The following ANKRD30B variants were observed in gnomAD, a reference collection of about 807,000 sequenced individuals.
ANKRD30B encodes the protein ankyrin repeat domain 30B.
A neutral mutation model predicts 202.2 loss-of-function variants in ANKRD30B; 144 were observed. The ratio of observed to expected loss-of-function variants is 0.71; its 90% confidence interval spans 0.62 to 0.82. ANKRD30B has a LOEUF of 0.82. ANKRD30B is among the 40% of genes least tolerant of loss of function. The pLI, the probability that ANKRD30B is intolerant of heterozygous loss-of-function variation, is 0.00. For missense variants in ANKRD30B, 1,487 were observed against 1,669.1 expected (o/e 0.89, Z 1.90); for synonymous variants, 508 against 561.3 (o/e 0.91, Z 1.34).
chr18:14,911,177 A>G, the ANKRD30B span, among the ~76,000 whole-genome samples: 3 of 152,024 alleles, frequency 2.0e-5, no homozygotes, highest in Non-Finnish European at 4.4e-5. Flanking sequence ...TTGAGGACTT[A>G]GTCATACATT....
Position 14,831,509 on chromosome 18 carries a change from A to C in ANKRD30B, c.2847+54A>C, listed in dbSNP as rs1298024240. On this transcript the variant is annotated intron_variant, in intron 34 of 43. Transcript: ENST00000690538. ...TCTCAGTTGGAATCTAATTCTGTAT[A>C]GTATTTACTTTTCATGTTTAGCAGT... 24 of 953,580 alleles carry C rather than the reference A, an allele frequency of 2.5e-5. 1 individual carries two copies. In the Middle Eastern group the frequency reaches 8.6e-4, roughly 34 times the overall value. The allele number at this position is 953,580 out of a possible 1,614,324, so 59.1% of individuals were successfully genotyped here. A position where few individuals can be genotyped will look rare whatever the true frequency, so the allele number is the denominator to read the frequency against.
rs370342625 is a variant in ANKRD30B, at chr18:14,765,395, G to A, written c.1225+1305G>A. On this transcript the variant is annotated intron_variant, in intron 7 of 43. Transcript: ENST00000690538. Reference sequence around the variant, plus strand: ...GGAGAATTGCTTGAACCCAGGAGGCGGAGGCTACAGTGAGCTGAGATCGCA... The same window carrying A: ...GGAGAATTGCTTGAACCCAGGAGGCAGAGGCTACAGTGAGCTGAGATCGCA... 1.5e-4 allele frequency among the ~76,000 whole-genome samples: 23 copies of A among 151,734 alleles called. No individual in the cohort carries two copies. The South Asian group carries it at 2.5e-3, about 17-fold the overall frequency.
the ANKRD30B span, among the ~76,000 whole-genome samples, chr18:14,914,255 T>C: frequency 6.6e-6 from 1 of 152,230 alleles, no homozygotes; most frequent in Non-Finnish European, 1.5e-5. Context: ...ATAAAGGTGC[T>C]TTGTTCCATG....
Position 14,769,381 on chromosome 18 carries a change from T to C in ANKRD30B, c.1256+8T>C, listed in dbSNP as rs1179436761. On this transcript the variant is annotated splice_region_variant and intron_variant, in intron 8 of 43. Transcript: ENST00000690538. ...TGTAGAGCCTATATTCAGGTAAGAC[T>C]TTGCGGTTTTTTAAAACGAATAGGT... The C allele has an allele frequency of 6.5e-7, 1 of 1,544,456 alleles. No homozygotes were observed. The highest frequency in any genetic ancestry group is 2.0e-5 in the Admixed American group (1 of 50,508).
the ANKRD30B span, among the ~76,000 whole-genome samples, chr18:14,941,056 T>A: frequency 1.3e-5 from 2 of 152,096 alleles, no homozygotes; most frequent in African/African-American, 4.8e-5. Context: ...ACACTGCAGG[T>A]CAATTTGTGC....
At chr18:14,906,098 C>A in the ANKRD30B span, among the ~76,000 whole-genome samples, 82,157 of 151,714 alleles carry the variant, frequency 0.54, 22,672 homozygotes, top group African/African-American at 0.64. Flanking sequence ...TACTTTTAGC[C>A]CAAAGTATAT....
intron 7 of ANKRD30B, among the ~76,000 whole-genome samples, chr18:14,766,493 A>AGAAAAGAAAAGAAAAGAAAAGAAAAG (rs1555646769): frequency 2.4e-5 from 2 of 85,004 alleles, no homozygotes; most frequent in African/African-American, 7.7e-5. Context: ...AAAAAAAAAA[A>AGAAAAGAAAAGAAAAGAAAAGAAAAG]AAAAGAAAAG....
At position 14,799,101 on chromosome 18, in the gene ANKRD30B, A is replaced by C. The variant is rs761937188; in HGVS notation, c.2030A>C (p.Glu677Ala). The change falls in exon 21 of 44, where the codon GAG becomes GCG. Residue 677 changes from glutamate (E) to alanine (A), a missense_variant and splice_region_variant. Coordinates refer to ENST00000690538, the MANE Select transcript of ANKRD30B (RefSeq NM_001367607.2). ...ELKDRETLKA[E>A]SPDNDGLLKP... ...ATTATATATGTCCCTTTTCTTTTAG[A>C]GTCTCCTGATAATGATGGTCTTCTG... 1.0e-5 allele frequency: 16 copies of C among 1,572,862 alleles called. No individual in the cohort carries two copies. The highest frequency in any genetic ancestry group is 1.4e-5 in the Non-Finnish European group (16 of 1,144,676).
At chr18:14,809,716 A>G (rs1274345669) in intron 26 of ANKRD30B, among the ~76,000 whole-genome samples, 2 of 151,112 alleles carry the variant, frequency 1.3e-5, no homozygotes, top group East Asian at 3.9e-4. Context: ...CTGGCAGTCC[A>G]ACCTGGCATT....
chr18:14,765,776 G>GT (rs1394277742), intron 7 of ANKRD30B, among the ~76,000 whole-genome samples: 1 of 152,122 alleles, frequency 6.6e-6, no homozygotes, highest in Non-Finnish European at 1.5e-5. Context: ...CTGTGGCCTA[G>GT]TATCAGTCTA....
the ANKRD30B span, among the ~76,000 whole-genome samples, chr18:14,882,904 G>C: frequency 6.6e-6 from 1 of 152,080 alleles, no homozygotes; most frequent in Non-Finnish European, 1.5e-5. Context: ...AGTTTGTTTT[G>C]TCTCATATGA....
At position 14,796,422 on chromosome 18, in the gene ANKRD30B, T is replaced by C; in HGVS notation, c.1927+7T>C. Reference sequence around the variant, plus strand: ...AGAGAAACATTCAAAGCAGGTAAATTTTGTAATTTAACTTTTAATCTGTAA... The same window carrying C: ...AGAGAAACATTCAAAGCAGGTAAATCTTGTAATTTAACTTTTAATCTGTAA... On this transcript the variant is annotated splice_region_variant and intron_variant, in intron 18 of 43. Coordinates refer to ENST00000690538, the MANE Select transcript of ANKRD30B (RefSeq NM_001367607.2). The C allele has an allele frequency of 6.5e-7, 1 of 1,542,374 alleles. No individual in the cohort carries two copies.
chr18:14,904,739 G>A, the ANKRD30B span, among the ~76,000 whole-genome samples: 1 of 152,204 alleles, frequency 6.6e-6, no homozygotes, highest in Non-Finnish European at 1.5e-5. Flanking sequence ...AAGGTCTGGA[G>A]AAAGTGAGGT....
At chr18:14,779,247 G>T (rs553358651) in intron 10 of ANKRD30B, among the ~76,000 whole-genome samples, 1 of 152,256 alleles carries the variant, frequency 6.6e-6, no homozygotes, top group African/African-American at 2.4e-5. Flanking sequence ...TTAATTCCAT[G>T]AAATGTGGGA....
intron 26 of ANKRD30B, among the ~76,000 whole-genome samples, chr18:14,809,613 G>T (rs142512961): frequency 1.1e-4 from 16 of 150,926 alleles, no homozygotes. Flanking sequence ...GCCTTTCTGG[G>T]ATAGGAATCT....
At chr18:14,757,308 G>A (rs1914526419) in intron 4 of ANKRD30B, among the ~76,000 whole-genome samples, 1 of 152,164 alleles carries the variant, frequency 6.6e-6, no homozygotes, top group Non-Finnish European at 1.5e-5. Flanking sequence ...GGAGAATAAT[G>A]ATATGTGCTT....
intron 9 of ANKRD30B, among the ~76,000 whole-genome samples, chr18:14,773,798 G>A (rs1243940439): frequency 6.6e-6 from 1 of 151,996 alleles, no homozygotes; most frequent in East Asian, 1.9e-4. Context: ...TGGGACTACA[G>A]GCGCATGCCA....
the ANKRD30B span, among the ~76,000 whole-genome samples, chr18:14,897,382 T>C: frequency 2.0e-5 from 3 of 152,144 alleles, no homozygotes; most frequent in Non-Finnish European, 4.4e-5. Flanking sequence ...GGTTTTGCCA[T>C]GTTGGCCAGG....
In ANKRD30B at chr18:14,840,587, G is replaced by A. The variant is rs1398123640; in HGVS notation, c.2989-1G>A. The A allele has an allele frequency of 9.4e-6, 13 of 1,383,088 alleles. No individual in the cohort carries two copies. Among genetic ancestry groups the A allele is most frequent in the Non-Finnish European group, 1.2e-5 (12 of 1,037,558 alleles). 85.7% of individuals were successfully genotyped at this position (1,383,088 alleles called of 1,614,324 possible). A position where few individuals can be genotyped will look rare whatever the true frequency, so the allele number is the denominator to read the frequency against. On this transcript the variant is annotated splice_acceptor_variant, in intron 36 of 43. Transcript: ENST00000690538. LOFTEE classifies it high-confidence loss of function. ...TTATTTATTAATATTATCTTTAACA[G>A]ATTATCTCTGTGAGTGATACACAGA...
Sources: gnomAD v4.1 joint callset for allele counts (sites outside exome capture counted in the v4.1 genomes callset) on GRCh38, gnomAD v4.1.1 for gene constraint, MANE v1.5 for transcripts, NCBI Gene and HGNC (gene_info 2026-07-23, HGNC 2026-07-21) for gene names.